The following CHRNA5 variants were observed in gnomAD, a reference collection of about 807,000 sequenced individuals.
CHRNA5 encodes the protein neuronal acetylcholine receptor subunit alpha-5.
CHRNA5 carries 28 observed loss-of-function variants against 41.2 expected under a neutral mutation model. The observed-to-expected ratio is 0.68, with a 90% CI of 0.50 to 0.93. The LOEUF (loss-of-function observed/expected upper bound fraction) is 0.93. Among genes scored for constraint, CHRNA5 ranks in the 40% least tolerant of loss-of-function variants. The pLI is 0.00. For missense variants in CHRNA5, 481 were observed against 581.9 expected (o/e 0.83, Z 1.78); for synonymous variants, 188 against 205.8 (o/e 0.91, Z 0.74).
chr15:78,582,415 G>A (rs1213996326), intron 2 of CHRNA5, among the ~76,000 whole-genome samples: 1 of 151,756 alleles, frequency 6.6e-6, no homozygotes, highest in East Asian at 1.9e-4. Context: ...ACCCTGGGAA[G>A]CAGAGGTTGC....
chr15:78,589,761 ATTGT>A, intron 4 of CHRNA5, 40 bp from the exon 5 acceptor site: 1 of 1,388,532 alleles, frequency 7.2e-7, no homozygotes, highest in Non-Finnish European at 9.8e-7. Flanking sequence ...ATTCATGTGC[ATTGT>A]TTAATTTCTG....
intron 1 of CHRNA5, among the ~76,000 whole-genome samples, chr15:78,570,253 G>GT (rs1480270969): frequency 5.9e-5 from 9 of 151,712 alleles, no homozygotes; most frequent in Non-Finnish European, 1.5e-5. Context: ...TTGTCCTACT[G>GT]TTTATTTATT....
intron 1 of CHRNA5, among the ~76,000 whole-genome samples, chr15:78,567,618 C>G (rs1385942439): frequency 6.6e-6 from 1 of 152,198 alleles, no homozygotes; most frequent in Non-Finnish European, 1.5e-5. Flanking sequence ...TCCACGTAAG[C>G]TCCTTAAGAA....
intron 1 of CHRNA5, among the ~76,000 whole-genome samples, chr15:78,568,647 C>T (rs1243373355): frequency 2.0e-5 from 3 of 152,140 alleles, no homozygotes; most frequent in Middle Eastern, 3.4e-3. Flanking sequence ...CCCAACCTCC[C>T]GACAGACCCT....
At chr15:78,566,694 GCCTTT>G (rs1312175057) in intron 1 of CHRNA5, among the ~76,000 whole-genome samples, 1 of 152,162 alleles carries the variant, frequency 6.6e-6, no homozygotes, top group African/African-American at 2.4e-5. Context: ...ACCTTTTCTT[GCCTTT>G]CCTTTGTTAA....
intron 1 of CHRNA5, among the ~76,000 whole-genome samples, chr15:78,580,548 T>G (rs919011310): frequency 1.3e-5 from 2 of 152,108 alleles, no homozygotes; most frequent in Non-Finnish European, 2.9e-5. Flanking sequence ...CCTTATTCTA[T>G]CAGAAATACT....
chr15:78,572,996 T>C (rs1379444861), intron 1 of CHRNA5, among the ~76,000 whole-genome samples: 2 of 152,226 alleles, frequency 1.3e-5, no homozygotes, highest in Non-Finnish European at 2.9e-5. Flanking sequence ...TTTGCAATTA[T>C]AGCATCATTT....
rs752254237 is a variant in CHRNA5, at chr15:78,585,791, C to CTTT, written c.259-845_259-843dup. Reference sequence around the variant, plus strand: ...TTTTTCTTTTTCTTTTCTTTTCTTTCTTTTTTTTTTTGAGATGGAGTCTCG... The same window carrying CTTT: ...TTTTTCTTTTTCTTTTCTTTTCTTTCTTTTTTTTTTTTTTGAGATGGAGTCTCG... On this transcript the variant is annotated intron_variant, in intron 2 of 5. Coordinates refer to ENST00000299565, the Ensembl canonical transcript of CHRNA5. Among the ~76,000 whole-genome samples the CTTT allele has an allele frequency of 1.5e-5, 2 of 130,612 alleles. 1 individual carries two copies. The highest frequency in any genetic ancestry group is 1.7e-4 in the Admixed American group (2 of 11,728). 85.7% of individuals were successfully genotyped at this position (130,612 alleles called of 152,430 possible).
At chr15:78,574,813 C>T (rs1035328639) in intron 1 of CHRNA5, among the ~76,000 whole-genome samples, 1 of 151,620 alleles carries the variant, frequency 6.6e-6, no homozygotes, top group African/African-American at 2.4e-5. Context: ...AACCCTGTCT[C>T]TACAAAAAAA....
In CHRNA5 at chr15:78,573,010, G is replaced by GA. The variant is rs1311495528; in HGVS notation, c.106+7191dup. 4.6e-5 allele frequency among the ~76,000 whole-genome samples: 7 copies of GA among 152,246 alleles called. No individual in the cohort carries two copies. In the East Asian group the frequency reaches 7.7e-4, roughly 17 times the overall value. ...TTTTGCAATTATAGCATCATTTTGA[G>GA]AAAAAACAAAATAAATCTGGGTCCT... On this transcript the variant is annotated intron_variant, in intron 1 of 5. Coordinates refer to ENST00000299565, the Ensembl canonical transcript of CHRNA5.
At chr15:78,568,098 T>C (rs367624595) in intron 1 of CHRNA5, among the ~76,000 whole-genome samples, 17 of 152,380 alleles carry the variant, frequency 1.1e-4, no homozygotes, top group South Asian at 1.0e-3. Context: ...CCTTTATTTT[T>C]ACAATTTATT....
intron 1 of CHRNA5, among the ~76,000 whole-genome samples, chr15:78,566,970 G>A (rs1036323026): frequency 1.2e-4 from 18 of 152,024 alleles, no homozygotes; most frequent in African/African-American, 4.3e-4. Context: ...AAGAAATGGC[G>A]GGCCGGGCGC....
At chr15:78,579,434 TG>T (rs2052889852) in intron 1 of CHRNA5, among the ~76,000 whole-genome samples, 1 of 152,072 alleles carries the variant, frequency 6.6e-6, no homozygotes, top group African/African-American at 2.4e-5. Flanking sequence ...TTGTATTTTT[TG>T]TAGAGACAGG....
chr15:78,572,850 C>T (rs2052818945), intron 1 of CHRNA5, among the ~76,000 whole-genome samples: 1 of 151,884 alleles, frequency 6.6e-6, no homozygotes, highest in Non-Finnish European at 1.5e-5. Flanking sequence ...TGTGAGTGAA[C>T]ATGCATGTAA....
chr15:78,570,985 C>G (rs573583942), intron 1 of CHRNA5, among the ~76,000 whole-genome samples: 29 of 152,238 alleles, frequency 1.9e-4, no homozygotes, highest in African/African-American at 7.0e-4. Context: ...CATTTGCTAC[C>G]CCTTGAGAAC....
chr15:78,584,171 C>T (rs2052938093), intron 2 of CHRNA5, among the ~76,000 whole-genome samples: 1 of 152,174 alleles, frequency 6.6e-6, no homozygotes, highest in Admixed American at 6.5e-5. Context: ...GGCAAATTCA[C>T]TGAATTGTGT....
At chr15:78,578,039 G>A (rs1232829509) in intron 1 of CHRNA5, among the ~76,000 whole-genome samples, 1 of 151,978 alleles carries the variant, frequency 6.6e-6, no homozygotes. Flanking sequence ...GTTCAATAAT[G>A]CTATTTTAAC....
Sources: allele counts gnomAD v4.1 joint callset (sites outside exome capture counted in the v4.1 genomes callset), GRCh38; gene constraint gnomAD v4.1.1; transcripts MANE v1.5; gene names NCBI Gene and HGNC (gene_info 2026-07-23, HGNC 2026-07-21).